TDRD5: variants seen among roughly 807,000 people sequenced by gnomAD.
TDRD5 encodes the protein tudor domain containing 5.
TDRD5 carries 41 observed loss-of-function variants against 120.6 expected under a neutral mutation model. The observed-to-expected ratio is 0.34, with a 90% CI of 0.26 to 0.44. The LOEUF (loss-of-function observed/expected upper bound fraction) is 0.44. Ranked by LOEUF, TDRD5 falls within the 20% of genes least tolerant of loss-of-function variation. TDRD5 has a pLI of 1.00. For synonymous variants in TDRD5, 430 were observed against 433.7 expected, an observed-to-expected ratio of 0.99 and a Z score of 0.11; for missense variants, 1,006 against 1,221.2, an observed-to-expected ratio of 0.82 and a Z score of 2.63.
chr1:179,647,753 A>C (rs1464421872), intron 11 of TDRD5, among the ~76,000 whole-genome samples: 1 of 150,862 alleles, frequency 6.6e-6, no homozygotes, highest in Non-Finnish European at 1.5e-5. Flanking sequence ...TTTACAAGAA[A>C]AAAACAAACA....
In TDRD5 at chr1:179,595,659, A is replaced by G. The variant is rs764464721; in HGVS notation, c.672A>G (p.Lys224=). 4 of 1,606,388 alleles carry G rather than the reference A, an allele frequency of 2.5e-6. No homozygotes were observed. The Admixed American group carries it at 5.2e-5, about 21-fold the overall frequency. The change falls in exon 4 of 18, where the codon AAA becomes AAG. Residue 224 remains lysine, a synonymous_variant. Transcript: ENST00000444136. ...GKIFTQPFRM[K]QGSYSTGFPV... The stretch of plus-strand genomic sequence containing the variant: ...TTTTTACCCAGCCATTTAGAATGAA[A>G]CAAGGGTCATACTCCACAGGCTTTC...
intron 12 of TDRD5, 144 bp downstream of exon 12, chr1:179,651,211 A>G (rs1372224914): frequency 1.2e-6 from 1 of 859,060 alleles, no homozygotes; most frequent in Non-Finnish European, 1.7e-6. Context: ...TTTAATGCAG[A>G]GCACTCTTAA....
chr1:179,592,552 C>CT, intron 1 of TDRD5, 50 bp from the exon 2 acceptor site: 1 of 1,414,600 alleles, frequency 7.1e-7, no homozygotes, highest in Non-Finnish European at 9.8e-7. Context: ...TTTTTTAAAT[C>CT]TTTTTTCGTG....
chr1:179,685,584 C>A (rs1284283981), intron 17 of TDRD5, among the ~76,000 whole-genome samples: 1 of 152,134 alleles, frequency 6.6e-6, no homozygotes, highest in Non-Finnish European at 1.5e-5. Context: ...TGAAGAAGGT[C>A]ATTGGTAGTT....
intron 4 of TDRD5, among the ~76,000 whole-genome samples, chr1:179,611,265 T>C (rs981509629): frequency 1.3e-5 from 2 of 152,080 alleles, no homozygotes; most frequent in African/African-American, 2.4e-5. Context: ...TTGGCCAGGT[T>C]GGTCTCGAAT....
chr1:179,631,070 T>C (rs1677417380), intron 7 of TDRD5, 150 bp downstream of exon 7: 1 of 890,314 alleles, frequency 1.1e-6, no homozygotes, highest in East Asian at 2.7e-5. Flanking sequence ...ATCTGTATTG[T>C]TAATAAAAAT....
rs774503767 is a variant in TDRD5, at chr1:179,595,691, C to G, written c.704C>G (p.Ala235Gly). 1.5e-5 allele frequency: 25 copies of G among 1,613,466 alleles called. No individual in the cohort carries two copies. Among genetic ancestry groups the G allele is most frequent in the Non-Finnish European group, 2.1e-5 (25 of 1,179,748 alleles). ...TCATACTCCACAGGCTTTCCGGTAGCAAAGCCATGCTTTTCACAACCCACT... is the reference window on the plus strand; with the variant it reads ...TCATACTCCACAGGCTTTCCGGTAGGAAAGCCATGCTTTTCACAACCCACT... ...QGSYSTGFPV[A>G]KPCFSQPTSN... The change falls in exon 4 of 18, where the codon GCA (alanine) becomes GGA (glycine). Residue 235 changes from alanine to glycine, a missense_variant. Physicochemically the swap from Ala to Gly is moderately conservative, Grantham distance 60 (BLOSUM62 0). Around this residue, in one of 3 missense-constraint regions of TDRD5, gnomAD observed 445 missense variants for 515.5 expected, o/e 0.86. Transcript: ENST00000444136.
intron 6 of TDRD5, among the ~76,000 whole-genome samples, chr1:179,628,324 C>CTTTT (rs71569258): frequency 3.8e-3 from 209 of 54,464 alleles, no homozygotes; most frequent in Middle Eastern, 0.027. Context: ...CTTTTCTTTT[C>CTTTT]TTTTTTTTTT....
At chr1:179,671,264 C>T (rs1186858315) in intron 17 of TDRD5, among the ~76,000 whole-genome samples, 2 of 152,182 alleles carry the variant, frequency 1.3e-5, no homozygotes, top group Non-Finnish European at 2.9e-5. Context: ...CTTGAAATCA[C>T]ATAATGTTAG....
chr1:179,647,066 C>G (rs1227610818), intron 11 of TDRD5, among the ~76,000 whole-genome samples: 1 of 150,590 alleles, frequency 6.6e-6, no homozygotes, highest in African/African-American at 2.5e-5. Context: ...CATCAAGCTA[C>G]CAATGACTTT....
intron 5 of TDRD5, 28 bp downstream of exon 5, chr1:179,618,710 A>G (rs1289095171): frequency 1.2e-5 from 18 of 1,460,088 alleles, no homozygotes; most frequent in Non-Finnish European, 1.7e-5. Flanking sequence ...CTGGGAGACA[A>G]TAATAATTGA....
intron 17 of TDRD5, among the ~76,000 whole-genome samples, chr1:179,670,391 CAAAA>C (rs750042297): frequency 1.9e-5 from 2 of 102,750 alleles, no homozygotes; most frequent in Admixed American, 1.0e-4. Context: ...GACTCCGTCT[CAAAA>C]AAAAAAAAAA....
rs766953290 is a variant in TDRD5 at position 179,669,209 on chromosome 1, G to T, written c.2665G>T (p.Gly889Cys). The change falls in exon 17 of 18, where the codon GGT becomes TGT. Residue 889 changes from glycine to cysteine, a missense_variant. This residue lies in a region of TDRD5 where 403 missense variants were observed against 448.1 expected (regional missense o/e 0.90). Coordinates refer to ENST00000444136, the MANE Select transcript of TDRD5 (RefSeq NM_001199085.3). ...NRTQKQLDIN[G>C]SSDSSTLPKL... ...CATTCTGCAGCAACTAGACATAAAT[G>T]GTTCTTCAGATTCTTCCACACTGCC... 1.9e-6 allele frequency: 3 copies of T among 1,613,490 alleles called. No individual in the cohort carries two copies. The East Asian group carries it at 6.7e-5, about 36-fold the overall frequency.
At chr1:179,625,395 A>G (rs1277968695) in intron 6 of TDRD5, among the ~76,000 whole-genome samples, 1 of 152,182 alleles carries the variant, frequency 6.6e-6, no homozygotes, top group Admixed American at 6.5e-5. Flanking sequence ...CAGACTGGGA[A>G]GAAATATTTA....
intron 7 of TDRD5, among the ~76,000 whole-genome samples, chr1:179,634,007 T>C (rs1351071806): frequency 6.6e-6 from 1 of 151,732 alleles, no homozygotes; most frequent in East Asian, 2.0e-4. Context: ...CTGTCTCTAC[T>C]AAAAATACAA....
At chr1:179,631,133 T>A (rs1677421735) in intron 7 of TDRD5, among the ~76,000 whole-genome samples, 1 of 152,226 alleles carries the variant, frequency 6.6e-6, no homozygotes. Flanking sequence ...GGCTCATGCC[T>A]ATAATCCCAG....
rs144528038 is a variant in TDRD5 at position 179,592,843 on chromosome 1, G to A, written c.228G>A (p.Leu76=). The part of the protein sequence containing the change: ...VCPGAGGTVI[L]KAIPDESTKG... ...CCGGTGCAGGTGGTACTGTAATACT[G>A]AAAGGTAGGTTTAAGATTTTTGAAG... The change falls in exon 2 of 18, where the codon CTG becomes CTA. Residue 76 remains leucine, a synonymous_variant. Transcript: ENST00000444136. 25 of 1,613,946 alleles carry A rather than the reference G, an allele frequency of 1.5e-5. No homozygotes were observed. The highest frequency in any genetic ancestry group is 2.1e-5 in the Non-Finnish European group (25 of 1,179,910).
chr1:179,592,967 G>C (rs1675197345), intron 2 of TDRD5, 120 bp downstream of exon 2: 4 of 1,041,872 alleles, frequency 3.8e-6, no homozygotes, highest in South Asian at 3.3e-5. Context: ...TTTGGTGGGG[G>C]AGGGAGACTC....
chr1:179,670,043 A>G (rs1460249217), intron 17 of TDRD5, among the ~76,000 whole-genome samples: 10 of 152,228 alleles, frequency 6.6e-5, no homozygotes, highest in Non-Finnish European at 1.5e-4. Flanking sequence ...TAAAGCTGCT[A>G]TGAACATTTG....
Sources: gnomAD v4.1 joint callset for allele counts (sites outside exome capture counted in the v4.1 genomes callset) on GRCh38, gnomAD v4.1.1 for gene constraint, gnomAD v4.1.1 regional missense constraint, MANE v1.5 for transcripts, NCBI Gene and HGNC (gene_info 2026-07-23, HGNC 2026-07-21) for gene names.